Variants in LTN1 observed in about 807,000 individuals in gnomAD.
LTN1 encodes the protein E3 ubiquitin-protein ligase listerin.
In LTN1, 88 loss-of-function variants were observed where a neutral mutation model predicts 201.2. The observed-to-expected ratio is 0.44, with a 90% confidence interval of 0.37 to 0.52. The LOEUF (loss-of-function observed/expected upper bound fraction) is 0.52, where lower values mean the gene tolerates loss of function less well. LTN1 is among the 20% of genes least tolerant of loss of function. The pLI is 0.00. For missense variants in LTN1, 1,752 were observed against 2,038.7 expected, an observed-to-expected ratio of 0.86 and a Z score of 2.71; for synonymous variants, 645 against 713.5, an observed-to-expected ratio of 0.90 and a Z score of 1.53.
chr21:28,933,415 A>G (rs1416860277), intron 27 of LTN1, among the ~76,000 whole-genome samples: 1 of 152,198 alleles, frequency 6.6e-6, no homozygotes, highest in African/African-American at 2.4e-5. Context: ...TTGTGGTCAG[A>G]GCAATTTCAA....
At position 28,944,375 on chromosome 21, in the gene LTN1, TCAC is replaced by T. The variant is rs1209403839; in HGVS notation, c.3982+5_3982+7del. 6.2e-7 allele frequency: 1 copy of T among 1,601,888 alleles called. No homozygotes were observed. Among genetic ancestry groups the T allele is most frequent in the South Asian group, 1.1e-5 (1 of 90,788 alleles). The stretch of plus-strand genomic sequence containing the variant: ...ATCAATCTCACTATTATTCCCTTTT[TCAC>T]TTGCCTGTAACAGTCACCAAAATAG... On this transcript the variant is annotated splice_donor_5th_base_variant and intron_variant, in intron 22 of 29. Transcript: ENST00000361371.
At position 28,974,788 on chromosome 21, in the gene LTN1, C is replaced by T. The variant is rs141237255; in HGVS notation, c.811-3344G>A. Among the ~76,000 whole-genome samples, 266 of 152,316 alleles carry T rather than the reference C, an allele frequency of 1.7e-3. 2 individuals are homozygous for T. Among genetic ancestry groups the T allele is most frequent in the African/African-American group, 6.0e-3 (250 of 41,566 alleles). On this transcript the variant is annotated intron_variant, in intron 6 of 29. Coordinates refer to ENST00000361371, the MANE Select transcript of LTN1 (RefSeq NM_015565.3). ...CTCTGAACCATGCATGTGCACTCCA[C>T]TATGCCCAGCTAATTTTTAAAATTT...
rs138758952 is a variant in LTN1 at position 28,975,957 on chromosome 21, T to C, written c.811-4513A>G. 3.7e-3 allele frequency among the ~76,000 whole-genome samples: 561 copies of C among 152,252 alleles called. 5 individuals are homozygous for C. The highest frequency in any genetic ancestry group is 7.0e-3 in the Non-Finnish European group (477 of 68,010). ...ACAACATGAATGAATCTTAAAACAT[T>C]ACACTAAGCAAAAGAAGCTAGATAG... On this transcript the variant is annotated intron_variant, in intron 6 of 29. Transcript: ENST00000361371.
chr21:28,947,707 T>C, intron 18 of LTN1, 101 bp from the exon 19 acceptor site: 2 of 639,770 alleles, frequency 3.1e-6, no homozygotes, highest in Non-Finnish European at 4.9e-6. Flanking sequence ...AGATGAATAA[T>C]TCTATCACAT....
chr21:28,946,369 A>G, intron 19 of LTN1, 82 bp from the exon 20 acceptor site: 1 of 891,800 alleles, frequency 1.1e-6, no homozygotes, highest in Non-Finnish European at 1.6e-6. Context: ...TTTGAGAAGT[A>G]AAAGACTTTC....
intron 4 of LTN1, among the ~76,000 whole-genome samples, chr21:28,983,241 G>A (rs1213930994): frequency 1.3e-5 from 2 of 152,178 alleles, no homozygotes; most frequent in African/African-American, 2.4e-5. Flanking sequence ...ATAACCCAAT[G>A]TTCAATGATT....
At position 28,958,331 on chromosome 21, in the gene LTN1, A is replaced by G. The variant is rs1246512039; in HGVS notation, c.2747+55T>C. The G allele has an allele frequency of 5.3e-6, 8 of 1,509,182 alleles. No homozygotes were observed. In the Admixed American group the frequency reaches 6.5e-5, roughly 12 times the overall value. The allele number at this position is 1,509,182 out of a possible 1,614,324, so 93.5% of individuals were successfully genotyped here. A position where few individuals can be genotyped will look rare whatever the true frequency, so the allele number is the denominator to read the frequency against. ...TCACACTGATCATGGAATCTAATTT[A>G]AGGACACTGTTCAAGTATAAAAGAG... On this transcript the variant is annotated intron_variant, in intron 14 of 29. Coordinates refer to ENST00000361371, the MANE Select transcript of LTN1 (RefSeq NM_015565.3).
chr21:28,970,439 A>G, intron 8 of LTN1, 113 bp downstream of exon 8: 1 of 735,384 alleles, frequency 1.4e-6, no homozygotes, highest in Non-Finnish European at 2.2e-6. Context: ...GAAAACTTTA[A>G]AAGTATTTAA....
Position 28,933,522 on chromosome 21 carries a change from CCT to C in LTN1, c.4876-860_4876-859del, listed in dbSNP as rs997588203. 7.8e-4 allele frequency among the ~76,000 whole-genome samples: 119 copies of C among 152,286 alleles called. 1 individual carries two copies. The highest frequency in any genetic ancestry group is 4.3e-4 in the Non-Finnish European group (29 of 68,014). ...GTTATTTGAGGCCCTTCCCAACATACCTCTTATTCACCGTTGATTCTATTCAC... is the reference window on the plus strand; with the variant it reads ...GTTATTTGAGGCCCTTCCCAACATACCTTATTCACCGTTGATTCTATTCAC... On this transcript the variant is annotated intron_variant, in intron 27 of 29. Transcript: ENST00000361371.
chr21:28,950,654 T>A (rs1486399371), intron 18 of LTN1, among the ~76,000 whole-genome samples: 1 of 152,086 alleles, frequency 6.6e-6, no homozygotes, highest in Non-Finnish European at 1.5e-5. Context: ...TAGCTGCAAC[T>A]ACAGGTGCAC....
chr21:28,944,847 A>G (rs1325206360), intron 21 of LTN1, among the ~76,000 whole-genome samples: 3 of 152,212 alleles, frequency 2.0e-5, no homozygotes, highest in Non-Finnish European at 4.4e-5. Flanking sequence ...TAACCCATGG[A>G]AGGAAACACT....
intron 11 of LTN1, chr21:28,964,469 T>C (rs993447277): frequency 2.7e-5 from 27 of 1,008,440 alleles, no homozygotes; most frequent in Non-Finnish European, 3.0e-5. Context: ...AGATATAATG[T>C]TATTGCACAC....
Position 28,969,594 on chromosome 21 carries a change from T to G in LTN1, c.1183A>C (p.Thr395Pro). Residue 395 changes from threonine to proline, a missense_variant, in exon 9 of 30, where the codon ACA becomes CCA. Transcript: ENST00000361371. Reference protein sequence around the residue: ...FLTSLVAGLSTERTKTSSLES... With the variant: ...FLTSLVAGLSPERTKTSSLES... ...AAAGAGCTGGTTTTAGTTCTCTCTGTTGACAGCCTAAGAAATAATTAATAA... is the reference window on the plus strand; with the variant it reads ...AAAGAGCTGGTTTTAGTTCTCTCTGGTGACAGCCTAAGAAATAATTAATAA... The G allele has an allele frequency of 5.6e-6, 9 of 1,594,970 alleles. No homozygotes were observed. Among genetic ancestry groups the G allele is most frequent in the Non-Finnish European group, 7.7e-6 (9 of 1,173,338 alleles).
At chr21:28,953,434 T>A (rs2084399892) in intron 16 of LTN1, 58 bp from the exon 17 acceptor site, 1 of 1,254,608 alleles carries the variant, frequency 8.0e-7, no homozygotes, top group East Asian at 2.5e-5. Context: ...ACCCTTCAAT[T>A]ACTTTCACTT....
chr21:28,992,824 A>G lies in LTN1; in HGVS notation c.-19T>C. The G allele has an allele frequency of 6.2e-7, 1 of 1,613,950 alleles. No individual in the cohort carries two copies. The highest frequency in any genetic ancestry group is 8.5e-7 in the Non-Finnish European group (1 of 1,179,968). On this transcript the variant is annotated 5_prime_UTR_variant, in exon 1 of 30. Transcript: ENST00000361371. Reference sequence around the variant, plus strand: ...CGCCCATGGTCGCGGTTGCAGCTGTACTCTGAGCACTCAGACCCCGGTTGA... The same window carrying G: ...CGCCCATGGTCGCGGTTGCAGCTGTGCTCTGAGCACTCAGACCCCGGTTGA...
rs752403842 is a variant in LTN1 at position 28,981,290 on chromosome 21, T to C, written c.639A>G (p.Pro213=). The change falls in exon 6 of 30, where the codon CCA becomes CCG. Residue 213 remains proline, a synonymous_variant. Transcript: ENST00000361371. ...AGAATTTAGCTTCTCTTTCTTCCTC[T>C]GGAACAGTTCTTGATATAAAACAAA... ...PDTLSDPQTV[P]EEEREAKFYR... 6.5e-6 allele frequency: 10 copies of C among 1,539,902 alleles called. No individual in the cohort carries two copies. The East Asian group carries it at 2.3e-4, about 36-fold the overall frequency.
chr21:28,947,050 TTA>T (rs1361738393), intron 19 of LTN1, among the ~76,000 whole-genome samples: 5 of 152,164 alleles, frequency 3.3e-5, no homozygotes, highest in African/African-American at 1.2e-4. Context: ...TAATACAACT[TTA>T]TGTTTGTCTT....
intron 6 of LTN1, among the ~76,000 whole-genome samples, chr21:28,973,615 A>C (rs2084593013): frequency 6.6e-6 from 1 of 152,172 alleles, no homozygotes; most frequent in Non-Finnish European, 1.5e-5. Flanking sequence ...ATCATAAAAC[A>C]TCAGAAAAAT....
At chr21:28,946,576 A>G (rs1236976855) in intron 19 of LTN1, among the ~76,000 whole-genome samples, 1 of 152,220 alleles carries the variant, frequency 6.6e-6, no homozygotes, top group African/African-American at 2.4e-5. Context: ...TGGTTTCTTA[A>G]GTGCAGGACA....
Sources: allele counts gnomAD v4.1 joint callset (sites outside exome capture counted in the v4.1 genomes callset), GRCh38; gene constraint gnomAD v4.1.1; transcripts MANE v1.5; gene names NCBI Gene and HGNC (gene_info 2026-07-23, HGNC 2026-07-21).